The following NPSR1 variants were observed in gnomAD, a reference collection of about 807,000 sequenced individuals.
NPSR1 encodes the protein neuropeptide S receptor.
In NPSR1, 48 loss-of-function variants were observed where a neutral mutation model predicts 46.9. The ratio of observed to expected loss-of-function variants is 1.02; its 90% CI spans 0.81 to 1.30. The LOEUF (loss-of-function observed/expected upper bound fraction) is 1.30, where lower values mean the gene tolerates loss of function less well. Among genes scored for constraint, NPSR1 ranks in the 50% most tolerant of loss-of-function variants. The pLI, the probability that NPSR1 is intolerant of heterozygous loss-of-function variation, is 0.00. For synonymous variants in NPSR1, 176 were observed against 168.1 expected (o/e 1.05, Z -0.36); for missense variants, 450 against 449.5 (o/e 1.00, Z -0.01).
At chr7:34,811,177 A>G in intron 3 of NPSR1, among the ~76,000 whole-genome samples, 1 of 152,094 alleles carries the variant, frequency 6.6e-6, no homozygotes, top group Admixed American at 6.5e-5. Flanking sequence ...ATAGGCCAGG[A>G]AGAGTCAGGT....
At chr7:34,830,833 G>A (rs954043658) in intron 5 of NPSR1, among the ~76,000 whole-genome samples, 2 of 151,888 alleles carry the variant, frequency 1.3e-5, no homozygotes, top group African/African-American at 4.8e-5. Flanking sequence ...AAGATTCCCT[G>A]GCTGCTTCAT....
chr7:34,666,611 C>A (rs2128671565), intron 1 of NPSR1, among the ~76,000 whole-genome samples: 1 of 152,152 alleles, frequency 6.6e-6, no homozygotes, highest in South Asian at 2.1e-4. Context: ...CTTCAGATTT[C>A]TTATTATATG....
rs324390 is a variant in NPSR1, at chr7:34,737,234, C to T, written c.281-41228C>T. On this transcript the variant is annotated intron_variant, in intron 2 of 8. Coordinates refer to ENST00000360581, the MANE Select transcript of NPSR1 (RefSeq NM_207172.2). ...TCTTCTCATGTTTTAGACACCACCA[C>T]CTCTTACCTACTCTAGATCTTCGCT... is the stretch of plus-strand genomic sequence containing the variant. 7.0e-3 allele frequency among the ~76,000 whole-genome samples: 1,070 copies of T among 152,294 alleles called. 12 individuals are homozygous for T. Among genetic ancestry groups the T allele is most frequent in the African/African-American group, 0.024 (1,013 of 41,570 alleles).
chr7:34,841,189 A>G (rs538922014), intron 6 of NPSR1, among the ~76,000 whole-genome samples: 1 of 152,202 alleles, frequency 6.6e-6, no homozygotes, highest in East Asian at 1.9e-4. Context: ...AATCACCTGC[A>G]CTCTTTATAG....
In NPSR1 at chr7:34,848,624, T is replaced by G. The variant is rs1451477873; in HGVS notation, c.986T>G (p.Ile329Ser). 2 of 1,614,080 alleles carry G rather than the reference T, an allele frequency of 1.2e-6. No individual in the cohort carries two copies. The highest frequency in any genetic ancestry group is 2.7e-5 in the African/African-American group (2 of 74,938). The change falls in exon 8 of 9, where the codon ATC (isoleucine) becomes AGC (serine). Residue 329 changes from isoleucine (I) to serine (S), a missense_variant. Transcript: ENST00000360581. ...TTGAATAGTGCCATCAACCCCCTCA[T>G]CTACTGTGTCTTCAGCAGCTCCATC... ...PALNSAINPL[I>S]YCVFSSSISF...
intron 2 of NPSR1, among the ~76,000 whole-genome samples, chr7:34,724,648 G>A (rs1369809752): frequency 2.0e-5 from 3 of 152,204 alleles, no homozygotes; most frequent in African/African-American, 7.2e-5. Flanking sequence ...GTGGTGAAGA[G>A]CGTGGAGTCA....
chr7:34,756,686 A>C (rs1785878679), intron 2 of NPSR1, among the ~76,000 whole-genome samples: 1 of 152,238 alleles, frequency 6.6e-6, no homozygotes, highest in African/African-American at 2.4e-5. Context: ...TCTAACCAGT[A>C]AAATATGTAA....
At chr7:34,773,340 C>G (rs1786776948) in intron 2 of NPSR1, among the ~76,000 whole-genome samples, 1 of 152,102 alleles carries the variant, frequency 6.6e-6, no homozygotes, top group African/African-American at 2.4e-5. Context: ...GTAATACAAA[C>G]AGTAGGTTCT....
intron 2 of NPSR1, among the ~76,000 whole-genome samples, chr7:34,725,099 T>TCACACACACACA (rs56880784): frequency 1.1e-3 from 168 of 146,612 alleles, no homozygotes; most frequent in Non-Finnish European, 2.1e-3. Flanking sequence ...ACACACAGAC[T>TCACACACACACA]CACACACACA....
chr7:34,781,304 A>G lies in NPSR1; in HGVS notation c.384+2739A>G, dbSNP rs542723737. On this transcript the variant is annotated intron_variant, in intron 3 of 8. Coordinates refer to ENST00000360581, the MANE Select transcript of NPSR1 (RefSeq NM_207172.2). ...GGACCTATCACCAAGATCATGGAGT[A>G]GGAGATATTCATCCCTCCAAAGCAT... Among the ~76,000 whole-genome samples the G allele has an allele frequency of 7.2e-5, 11 of 152,344 alleles. No homozygotes were observed. In the South Asian group the frequency reaches 2.3e-3, roughly 32 times the overall value.
intron 2 of NPSR1, among the ~76,000 whole-genome samples, chr7:34,763,209 T>G (rs1011840672): frequency 6.6e-6 from 1 of 152,168 alleles, no homozygotes; most frequent in Non-Finnish European, 1.5e-5. Context: ...TGCAGGGAGC[T>G]CTTTTAGAAA....
At chr7:34,664,331 G>C (rs1219675647) in intron 1 of NPSR1, among the ~76,000 whole-genome samples, 1 of 152,154 alleles carries the variant, frequency 6.6e-6, no homozygotes, top group Non-Finnish European at 1.5e-5. Context: ...GTCCTGTAGA[G>C]AGTTGTTGTG....
chr7:34,717,144 T>C (rs1288874412), intron 2 of NPSR1, among the ~76,000 whole-genome samples: 1 of 152,228 alleles, frequency 6.6e-6, no homozygotes, highest in Non-Finnish European at 1.5e-5. Flanking sequence ...TGTTTGATTG[T>C]TTTTTGAGAC....
chr7:34,693,078 G>GCT (rs894622313), intron 2 of NPSR1, among the ~76,000 whole-genome samples: 8 of 151,936 alleles, frequency 5.3e-5, no homozygotes, highest in Admixed American at 3.9e-4. Context: ...GCACCCCCCT[G>GCT]CTCTCTCTCT....
chr7:34,733,133 C>A (rs1366060123), intron 2 of NPSR1, among the ~76,000 whole-genome samples: 1 of 152,118 alleles, frequency 6.6e-6, no homozygotes, highest in Non-Finnish European at 1.5e-5. Flanking sequence ...ATTTAAGAAT[C>A]CATGCAGGCC....
intron 8 of NPSR1, among the ~76,000 whole-genome samples, chr7:34,856,448 A>G (rs1478114276): frequency 6.6e-6 from 1 of 151,766 alleles, no homozygotes; most frequent in Non-Finnish European, 1.5e-5. Context: ...CAGAAAAATA[A>G]GAGAAAAAGC....
chr7:34,839,743 C>A (rs375442442), intron 6 of NPSR1, among the ~76,000 whole-genome samples: 1 of 152,152 alleles, frequency 6.6e-6, no homozygotes, highest in Non-Finnish European at 1.5e-5. Context: ...GATTCTGCCA[C>A]GCTTAACAGA....
chr7:34,872,063 G>A (rs1403387377), intron 8 of NPSR1, among the ~76,000 whole-genome samples: 1 of 151,908 alleles, frequency 6.6e-6, no homozygotes, highest in Non-Finnish European at 1.5e-5. Flanking sequence ...GCTCCACCCT[G>A]CAACAGGCTT....
At chr7:34,821,728 T>C (rs1264249031) in intron 4 of NPSR1, among the ~76,000 whole-genome samples, 1 of 152,186 alleles carries the variant, frequency 6.6e-6, no homozygotes, top group South Asian at 2.1e-4. Context: ...CTGTGTAATA[T>C]CATCAAGAGT....
Sources: allele counts gnomAD v4.1 joint callset (sites outside exome capture counted in the v4.1 genomes callset), GRCh38; gene constraint gnomAD v4.1.1; transcripts MANE v1.5; gene names NCBI Gene and HGNC (gene_info 2026-07-23, HGNC 2026-07-21).